The following GNB4 variants were observed in gnomAD, a reference collection of about 807,000 sequenced individuals.
The protein encoded by GNB4 is guanine nucleotide-binding protein subunit beta-4.
Under a neutral mutation model 45.2 loss-of-function variants are expected in GNB4, and 28 were observed. That is an observed-to-expected ratio of 0.62 (90% CI 0.46 to 0.85). The LOEUF is 0.85. Among genes scored for constraint, GNB4 ranks in the 40% least tolerant of loss-of-function variants. The pLI is 0.00. For synonymous variants in GNB4, 132 were observed against 143.7 expected, an observed-to-expected ratio of 0.92 and a Z score of 0.58; for missense variants, 321 against 425.4, an observed-to-expected ratio of 0.75 and a Z score of 2.16.
intron 1 of GNB4, 30 bp from the exon 2 acceptor site, chr3:179,426,272 T>C: frequency 9.0e-7 from 1 of 1,111,158 alleles, no homozygotes; most frequent in Non-Finnish European, 1.3e-6. Context: ...AAGAGAAAGA[T>C]TCAGTTCTCT....
intron 4 of GNB4, among the ~76,000 whole-genome samples, chr3:179,418,061 C>T (rs910790251): frequency 2.6e-5 from 4 of 152,078 alleles, no homozygotes; most frequent in South Asian, 2.1e-4. Flanking sequence ...CTTCAGAAAA[C>T]GTTTAAGGAA....
At chr3:179,489,801 G>A in the GNB4 span, among the ~76,000 whole-genome samples, 2 of 152,192 alleles carry the variant, frequency 1.3e-5, no homozygotes, top group Non-Finnish European at 2.9e-5. Context: ...TTCTCTCAGA[G>A]TGTATCATAT....
chr3:179,518,765 C>G, the GNB4 span, among the ~76,000 whole-genome samples: 1 of 152,186 alleles, frequency 6.6e-6, no homozygotes. Context: ...ATATAAAAAA[C>G]CAGCCCAGTT....
chr3:179,418,637 A>T (rs752987698), intron 4 of GNB4, among the ~76,000 whole-genome samples: 3 of 152,218 alleles, frequency 2.0e-5, no homozygotes, highest in African/African-American at 4.8e-5. Context: ...CTTCTACTTT[A>T]TAATTTTAGT....
chr3:179,444,840 C>T (rs115792208), intron 1 of GNB4, among the ~76,000 whole-genome samples: 114 of 152,278 alleles, frequency 7.5e-4, no homozygotes, highest in African/African-American at 2.3e-3. Context: ...ATATAATTTA[C>T]GTCACATGCC....
intron 4 of GNB4, among the ~76,000 whole-genome samples, chr3:179,418,089 T>C (rs1714856075): frequency 6.6e-6 from 1 of 152,208 alleles, no homozygotes; most frequent in Admixed American, 6.5e-5. Context: ...ACCATAAACA[T>C]TGTTTCAAGT....
intron 8 of GNB4, among the ~76,000 whole-genome samples, chr3:179,411,060 G>C (rs1191577368): frequency 6.6e-6 from 1 of 152,110 alleles, no homozygotes; most frequent in Non-Finnish European, 1.5e-5. Flanking sequence ...AAAAAGCCTT[G>C]ATCTATGATA....
chr3:179,487,508 T>C, the GNB4 span, among the ~76,000 whole-genome samples: 1 of 152,118 alleles, frequency 6.6e-6, no homozygotes, highest in Admixed American at 6.5e-5. Flanking sequence ...CCCTCCCTTT[T>C]GCACTTTAGA....
the GNB4 span, among the ~76,000 whole-genome samples, chr3:179,503,291 A>G: frequency 1.3e-5 from 2 of 152,362 alleles, no homozygotes; most frequent in East Asian, 1.9e-4. Context: ...AGTACAAAAA[A>G]ATAAGATGGA....
chr3:179,465,251 G>T, the GNB4 span: 7 of 1,481,508 alleles, frequency 4.7e-6, no homozygotes, highest in Non-Finnish European at 6.6e-6. Context: ...ACAAAAAGCC[G>T]GTTATATCAC....
chr3:179,461,192 G>A, the GNB4 span, among the ~76,000 whole-genome samples: 4 of 152,104 alleles, frequency 2.6e-5, no homozygotes, highest in African/African-American at 4.8e-5. Flanking sequence ...GGCAACTGCC[G>A]CCCCTTCCCC....
In GNB4 at chr3:179,398,865, T is replaced by G. The variant is rs903168712; in HGVS notation, c.*2348A>C. ...TAGTTTTTAGTTGCCGAGTAAATATTTAATTATGGGAATTGCTTTAAACTC... is the reference window on the plus strand; with the variant it reads ...TAGTTTTTAGTTGCCGAGTAAATATGTAATTATGGGAATTGCTTTAAACTC... On this transcript the variant is annotated 3_prime_UTR_variant, in exon 10 of 10. Coordinates refer to ENST00000232564, the MANE Select transcript of GNB4 (RefSeq NM_021629.4). The G allele has an allele frequency of 2.6e-5, 4 of 152,190 alleles. No individual in the cohort carries two copies. Among genetic ancestry groups the G allele is most frequent in the Non-Finnish European group, 5.9e-5 (4 of 68,022 alleles). 9.4% of individuals were successfully genotyped at this position (152,190 alleles called of 1,614,324 possible). A position where few individuals can be genotyped will look rare whatever the true frequency, so the allele number is the denominator to read the frequency against.
intron 1 of GNB4, among the ~76,000 whole-genome samples, chr3:179,427,085 TCA>T (rs1441103406): frequency 2.6e-5 from 4 of 152,008 alleles, no homozygotes; most frequent in Non-Finnish European, 4.4e-5. Context: ...GGCCCCAGTC[TCA>T]GTGTCTTTGC....
chr3:179,478,113 G>A, the GNB4 span, among the ~76,000 whole-genome samples: 3 of 152,186 alleles, frequency 2.0e-5, no homozygotes, highest in East Asian at 1.9e-4. Context: ...AAGGGCAAGC[G>A]AAGATGAGAG....
At chr3:179,509,028 A>G in the GNB4 span, among the ~76,000 whole-genome samples, 1 of 149,686 alleles carries the variant, frequency 6.7e-6, no homozygotes, top group Non-Finnish European at 1.5e-5. Context: ...TTCCAGAAAT[A>G]TGTATTTCCT....
chr3:179,438,671 A>C (rs1284806891), intron 1 of GNB4, among the ~76,000 whole-genome samples: 3 of 152,172 alleles, frequency 2.0e-5, no homozygotes. Flanking sequence ...ACTCCTTAAG[A>C]AGCATTGGGG....
chr3:179,508,735 A>G, the GNB4 span, among the ~76,000 whole-genome samples: 1 of 152,008 alleles, frequency 6.6e-6, no homozygotes, highest in Admixed American at 6.6e-5. Context: ...AGTCATTAAC[A>G]CAGCATTTTG....
At chr3:179,473,606 G>GT in the GNB4 span, among the ~76,000 whole-genome samples, 2 of 151,730 alleles carry the variant, frequency 1.3e-5, no homozygotes, top group Non-Finnish European at 2.9e-5. Context: ...TAGCCAATTT[G>GT]TTTTTTCTCT....
intron 1 of GNB4, among the ~76,000 whole-genome samples, chr3:179,443,012 TA>T (rs1468193471): frequency 6.6e-6 from 1 of 152,206 alleles, no homozygotes. Context: ...GGTTATATAT[TA>T]TTTTTGGTTA....
Sources: gnomAD v4.1 joint callset for allele counts (sites outside exome capture counted in the v4.1 genomes callset) on GRCh38, gnomAD v4.1.1 for gene constraint, MANE v1.5 for transcripts, NCBI Gene and HGNC (gene_info 2026-07-23, HGNC 2026-07-21) for gene names.